The following NCALD variants were observed in gnomAD, a reference collection of about 807,000 sequenced individuals.
NCALD encodes the protein neurocalcin-delta.
Under a neutral mutation model 18.6 loss-of-function variants are expected in NCALD, and 10 were observed. The observed-to-expected ratio is 0.54, with a 90% CI of 0.33 to 0.91. The LOEUF (loss-of-function observed/expected upper bound fraction) is 0.91, where lower values mean the gene tolerates loss of function less well. Among genes scored for constraint, NCALD ranks in the 40% least tolerant of loss-of-function variants. The pLI is 0.03. For missense variants in NCALD, 184 were observed against 247.6 expected (o/e 0.74, Z 1.72); for synonymous variants, 88 against 87.4 (o/e 1.01, Z -0.04).
intron 4 of NCALD, among the ~76,000 whole-genome samples, chr8:101,819,193 T>C (rs73275578): frequency 0.03 from 4,578 of 152,110 alleles, 90 homozygotes; most frequent in Middle Eastern, 0.075. Context: ...TAACAAGAAT[T>C]GAATATACCA....
intron 2 of NCALD, among the ~76,000 whole-genome samples, chr8:101,983,488 C>T (rs1820696633): frequency 6.6e-6 from 1 of 152,186 alleles, no homozygotes; most frequent in African/African-American, 2.4e-5. Context: ...AATTTTCACC[C>T]TTTTCTTAGT....
intron 1 of NCALD, among the ~76,000 whole-genome samples, chr8:101,734,931 G>A (rs1296022038): frequency 6.6e-6 from 1 of 152,106 alleles, no homozygotes; most frequent in East Asian, 1.9e-4. Context: ...GTCCAAAGCA[G>A]CAAGAAAATA....
chr8:102,116,993 A>G (rs1309030757), intron 1 of NCALD, among the ~76,000 whole-genome samples: 1 of 152,218 alleles, frequency 6.6e-6, no homozygotes, highest in Admixed American at 6.5e-5. Flanking sequence ...GCAGGAAGCA[A>G]TGTGACGTGC....
At chr8:101,784,225 G>A (rs770587106) in intron 1 of NCALD, among the ~76,000 whole-genome samples, 16 of 152,042 alleles carry the variant, frequency 1.1e-4, no homozygotes, top group Non-Finnish European at 2.1e-4. Context: ...GCTGGATGTC[G>A]GCTGAGACTT....
intron 2 of NCALD, among the ~76,000 whole-genome samples, chr8:102,001,884 C>A (rs1821487008): frequency 6.6e-6 from 1 of 152,160 alleles, no homozygotes; most frequent in African/African-American, 2.4e-5. Flanking sequence ...AAGCACTAAA[C>A]CTGGAAAGGA....
chr8:101,891,841 A>G (rs376845284), intron 3 of NCALD, among the ~76,000 whole-genome samples: 2 of 152,212 alleles, frequency 1.3e-5, no homozygotes, highest in African/African-American at 2.4e-5. Context: ...ATTATATCCC[A>G]CACCTGGCTC....
At chr8:101,769,623 CTT>C (rs945146847) in intron 1 of NCALD, among the ~76,000 whole-genome samples, 2 of 146,274 alleles carry the variant, frequency 1.4e-5, no homozygotes, top group Non-Finnish European at 1.5e-5. Context: ...TTCTTTCTTC[CTT>C]TTTTTTTTTT....
chr8:101,982,580 C>T (rs1820660715), intron 2 of NCALD, among the ~76,000 whole-genome samples: 1 of 152,184 alleles, frequency 6.6e-6, no homozygotes, highest in Non-Finnish European at 1.5e-5. Flanking sequence ...GTGGCTCATG[C>T]CTGTAATCCC....
At chr8:101,951,534 ATT>A (rs1406203416) in intron 2 of NCALD, among the ~76,000 whole-genome samples, 2 of 152,152 alleles carry the variant, frequency 1.3e-5, no homozygotes, top group African/African-American at 4.8e-5. Flanking sequence ...ATGGGGCTTG[ATT>A]TGGAGGCACC....
At chr8:102,024,222 T>C (rs1284648196) in intron 1 of NCALD, among the ~76,000 whole-genome samples, 1 of 152,228 alleles carries the variant, frequency 6.6e-6, no homozygotes, top group East Asian at 1.9e-4. Flanking sequence ...TTTTCAAAAC[T>C]GTGGCAAAGT....
intron 4 of NCALD, among the ~76,000 whole-genome samples, chr8:101,818,693 A>G (rs1345209224): frequency 1.3e-5 from 2 of 152,112 alleles, no homozygotes; most frequent in Non-Finnish European, 2.9e-5. Context: ...GATTTTCCCT[A>G]TTATAAATAA....
rs1038861432 is a variant in NCALD at position 101,849,725 on chromosome 8, T to C, written c.-20+37416A>G. On this transcript the variant is annotated intron_variant, in intron 4 of 6. Transcript: ENST00000311028. Reference sequence around the variant, plus strand: ...GTGATGGAAAGAATCATTCATTCCATAAATCTGCCCTGAACAGAATTACGA... The same window carrying C: ...GTGATGGAAAGAATCATTCATTCCACAAATCTGCCCTGAACAGAATTACGA... Among the ~76,000 whole-genome samples the C allele has an allele frequency of 2.6e-5, 4 of 152,300 alleles. No individual in the cohort carries two copies. In the East Asian group the frequency reaches 5.8e-4, roughly 22 times the overall value.
intron 4 of NCALD, among the ~76,000 whole-genome samples, chr8:101,829,766 A>T (rs988241068): frequency 6.6e-6 from 1 of 152,230 alleles, no homozygotes; most frequent in Non-Finnish European, 1.5e-5. Context: ...GTATGCTTTC[A>T]TACAACTAAA....
chr8:101,788,992 G>A (rs1174556331), intron 1 of NCALD: 6 of 152,144 alleles, frequency 3.9e-5, no homozygotes, highest in African/African-American at 1.4e-4. Context: ...CATCAACGCT[G>A]AATTATTCTC....
chr8:101,893,232 G>C (rs1376642968), intron 3 of NCALD, among the ~76,000 whole-genome samples: 9,115 of 150,122 alleles, frequency 0.061, 587 homozygotes, highest in African/African-American at 0.16. Context: ...GAAAAGAATT[G>C]TCAACCCAGA....
intron 1 of NCALD, among the ~76,000 whole-genome samples, chr8:101,772,526 A>T (rs1462600471): frequency 6.6e-6 from 1 of 152,228 alleles, no homozygotes; most frequent in Non-Finnish European, 1.5e-5. Flanking sequence ...GTTCTCTAGC[A>T]TGCTATTCCT....
At chr8:102,106,522 T>C (rs1036243810) in intron 1 of NCALD, among the ~76,000 whole-genome samples, 1 of 150,854 alleles carries the variant, frequency 6.6e-6, no homozygotes, top group Admixed American at 6.6e-5. Context: ...CACAGGAAAG[T>C]GTCTCAGATG....
upstream of NCALD, chr8:102,124,762 G>C (rs1045335483): frequency 2.0e-5 from 3 of 152,454 alleles, no homozygotes; most frequent in South Asian, 4.2e-4. Context: ...AAGCTTCTCA[G>C]GTGGTGTCCT....
chr8:101,721,739 G>A (rs1441218556), intron 1 of NCALD, among the ~76,000 whole-genome samples: 2 of 152,116 alleles, frequency 1.3e-5, no homozygotes, highest in Non-Finnish European at 2.9e-5. Flanking sequence ...TGCACTGGAG[G>A]CAAAACCTGC....
Sources: gnomAD v4.1 joint callset for allele counts (sites outside exome capture counted in the v4.1 genomes callset) on GRCh38, gnomAD v4.1.1 for gene constraint, MANE v1.5 for transcripts, NCBI Gene and HGNC (gene_info 2026-07-23, HGNC 2026-07-21) for gene names.